MDGA2: variants seen among roughly 807,000 people sequenced by gnomAD.
The protein encoded by MDGA2 is MAM domain-containing glycosylphosphatidylinositol anchor protein 2.
In MDGA2, 40 loss-of-function variants were observed where a neutral mutation model predicts 117.8. That is an observed-to-expected ratio of 0.34 (90% CI 0.26 to 0.44). MDGA2 has a LOEUF of 0.44. Among genes scored for constraint, MDGA2 ranks in the 20% least tolerant of loss-of-function variants. The pLI is 1.00. For missense variants in MDGA2, 1,123 were observed against 1,250.6 expected, an observed-to-expected ratio of 0.90 and a Z score of 1.54; for synonymous variants, 452 against 439.0, an observed-to-expected ratio of 1.03 and a Z score of -0.37.
Position 47,577,080 on chromosome 14 carries a change from T to G in MDGA2, c.280+97437A>C, listed in dbSNP as rs143121296. ...CTATTCTTAAAGAAAGATGGTAAAG[T>G]TAATCATGTTACTGTGCATATTTCT... On this transcript the variant is annotated intron_variant, in intron 1 of 16. Coordinates refer to ENST00000399232, the MANE Select transcript of MDGA2 (RefSeq NM_001113498.3). 2.9e-4 allele frequency among the ~76,000 whole-genome samples: 44 copies of G among 152,204 alleles called. 2 individuals carry two copies. Among genetic ancestry groups the G allele is most frequent in the African/African-American group, 1.0e-3 (42 of 41,530 alleles).
chr14:46,977,743 G>A (rs548387739), intron 8 of MDGA2, among the ~76,000 whole-genome samples: 3 of 151,794 alleles, frequency 2.0e-5, no homozygotes, highest in Non-Finnish European at 4.4e-5. Flanking sequence ...TAACATGGTA[G>A]TAAACTTAGT....
intron 3 of MDGA2, among the ~76,000 whole-genome samples, chr14:47,192,933 T>C (rs1204415572): frequency 6.6e-6 from 1 of 152,222 alleles, no homozygotes; most frequent in Non-Finnish European, 1.5e-5. Flanking sequence ...TGGTGCAGTC[T>C]TGTGTTCAAA....
chr14:47,534,907 C>T, intron 1 of MDGA2, among the ~76,000 whole-genome samples: 1 of 152,174 alleles, frequency 6.6e-6, no homozygotes, highest in East Asian at 1.9e-4. Context: ...TCTCACAGAT[C>T]CGTTTGGACA....
chr14:47,175,078 A>C (rs1164893838), intron 3 of MDGA2, among the ~76,000 whole-genome samples: 1 of 151,734 alleles, frequency 6.6e-6, no homozygotes, highest in Non-Finnish European at 1.5e-5. Context: ...CGACACATAC[A>C]CCCACCCAAG....
intron 12 of MDGA2, among the ~76,000 whole-genome samples, chr14:46,874,609 T>C (rs537166572): frequency 2.0e-4 from 30 of 151,904 alleles, no homozygotes; most frequent in Admixed American, 1.1e-3. Context: ...TTTAAATTGG[T>C]ATACTTTAAG....
intron 16 of MDGA2, 64 bp from the exon 17 acceptor site, chr14:46,842,083 T>C: frequency 2.1e-6 from 2 of 962,626 alleles, no homozygotes; most frequent in Non-Finnish European, 3.3e-6. Flanking sequence ...ACGTAGCTAC[T>C]AACACAACCT....
intron 2 of MDGA2, among the ~76,000 whole-genome samples, chr14:47,218,905 C>G (rs1309588409): frequency 3.3e-5 from 5 of 151,918 alleles, no homozygotes; most frequent in Admixed American, 3.3e-4. Context: ...TAAACAATAC[C>G]ATTATTTTAA....
intron 1 of MDGA2, among the ~76,000 whole-genome samples, chr14:47,409,047 C>G (rs1466339475): frequency 6.6e-6 from 1 of 152,160 alleles, no homozygotes; most frequent in South Asian, 2.1e-4. Context: ...TGGTGGAAGA[C>G]GGCATGTGGC....
chr14:47,355,947 G>T (rs75619204), intron 1 of MDGA2, among the ~76,000 whole-genome samples: 3,355 of 152,162 alleles, frequency 0.022, 119 homozygotes, highest in African/African-American at 0.075. Context: ...TAAGGCAACC[G>T]CAGTCTCCCA....
At chr14:47,602,711 T>A (rs1896670323) in intron 1 of MDGA2, among the ~76,000 whole-genome samples, 1 of 152,120 alleles carries the variant, frequency 6.6e-6, no homozygotes. Context: ...TTACCACCAG[T>A]TTGTCTGTAG....
At chr14:47,031,215 TATA>T (rs1888653417) in intron 8 of MDGA2, among the ~76,000 whole-genome samples, 1 of 135,644 alleles carries the variant, frequency 7.4e-6, no homozygotes, top group African/African-American at 2.8e-5. Flanking sequence ...TTTAGAAATA[TATA>T]TATATATATA....
chr14:47,555,886 C>A (rs193260359), intron 1 of MDGA2, among the ~76,000 whole-genome samples: 1 of 152,154 alleles, frequency 6.6e-6, no homozygotes, highest in Non-Finnish European at 1.5e-5. Flanking sequence ...CCTAAGAAAG[C>A]TCCTCCATCC....
intron 2 of MDGA2, among the ~76,000 whole-genome samples, chr14:47,239,242 G>T (rs1886964033): frequency 6.7e-6 from 1 of 148,862 alleles, no homozygotes; most frequent in Admixed American, 6.7e-5. Flanking sequence ...AAAGGGCTCT[G>T]ATAAGTGCTA....
At chr14:47,624,232 C>T (rs549067087) in intron 1 of MDGA2, among the ~76,000 whole-genome samples, 3 of 152,220 alleles carry the variant, frequency 2.0e-5, no homozygotes, top group South Asian at 2.1e-4. Context: ...CCGAGGCGGG[C>T]GGATCACCTG....
At position 47,281,605 on chromosome 14, in the gene MDGA2, A is replaced by T. The variant is rs889452183; in HGVS notation, c.420+19806T>A. On this transcript the variant is annotated intron_variant, in intron 2 of 16. Coordinates refer to ENST00000399232, the MANE Select transcript of MDGA2 (RefSeq NM_001113498.3). ...AGAGAATCTAGGTATTGTCATACTG[A>T]TCCATCCATTTTTAATTTCCTCAAC... Among the ~76,000 whole-genome samples, 9 of 152,324 alleles carry T rather than the reference A, an allele frequency of 5.9e-5. 1 individual carries two copies. In the South Asian group the frequency reaches 1.2e-3, roughly 21 times the overall value.
chr14:47,529,984 T>C (rs974697391), intron 1 of MDGA2, among the ~76,000 whole-genome samples: 2 of 152,202 alleles, frequency 1.3e-5, no homozygotes, highest in Admixed American at 6.5e-5. Flanking sequence ...CAAAATAGCA[T>C]GCAGGATTGT....
At chr14:47,332,105 C>A (rs1890309820) in intron 1 of MDGA2, among the ~76,000 whole-genome samples, 1 of 151,974 alleles carries the variant, frequency 6.6e-6, no homozygotes, top group Admixed American at 6.6e-5. Flanking sequence ...ACTACATGAA[C>A]TGTTACTTTT....
At chr14:47,193,866 G>A (rs1485632359) in intron 3 of MDGA2, among the ~76,000 whole-genome samples, 1 of 152,106 alleles carries the variant, frequency 6.6e-6, no homozygotes, top group Non-Finnish European at 1.5e-5. Flanking sequence ...AACAATAAAG[G>A]ACAGTAGGAA....
chr14:46,879,057 C>T (rs1364226174), intron 11 of MDGA2, among the ~76,000 whole-genome samples: 1 of 152,028 alleles, frequency 6.6e-6, no homozygotes, highest in African/African-American at 2.4e-5. Flanking sequence ...ATATTATAGA[C>T]AATTGTGTCC....
Sources: allele counts gnomAD v4.1 joint callset (sites outside exome capture counted in the v4.1 genomes callset), GRCh38; gene constraint gnomAD v4.1.1; transcripts MANE v1.5; gene names NCBI Gene and HGNC (gene_info 2026-07-23, HGNC 2026-07-21).